The following HS6ST3 variants were observed in gnomAD, a reference collection of about 807,000 sequenced individuals.
HS6ST3 encodes heparan-sulfate 6-O-sulfotransferase 3.
In HS6ST3, 12 loss-of-function variants were observed where a neutral mutation model predicts 36.7. The ratio of observed to expected loss-of-function variants is 0.33; its 90% confidence interval spans 0.21 to 0.53. The LOEUF (loss-of-function observed/expected upper bound fraction) is 0.53. Among genes scored for constraint, HS6ST3 ranks in the 20% least tolerant of loss-of-function variants. The pLI is 0.95. For synonymous variants in HS6ST3, 240 were observed against 257.5 expected, an observed-to-expected ratio of 0.93 and a Z score of 0.65; for missense variants, 584 against 640.9, an observed-to-expected ratio of 0.91 and a Z score of 0.96.
At chr13:96,185,391 A>G (rs1461111088) in intron 1 of HS6ST3, among the ~76,000 whole-genome samples, 4 of 152,208 alleles carry the variant, frequency 2.6e-5, no homozygotes, top group African/African-American at 9.7e-5. Flanking sequence ...AGGTATGACT[A>G]TCTGCCCTTT....
chr13:96,617,511 T>G (rs562539157), intron 1 of HS6ST3, among the ~76,000 whole-genome samples: 1 of 152,354 alleles, frequency 6.6e-6, no homozygotes, highest in South Asian at 2.1e-4. Flanking sequence ...TGTTCCTTCC[T>G]CAGCATCTTT....
intron 1 of HS6ST3, among the ~76,000 whole-genome samples, chr13:96,761,780 T>C (rs1282363101): frequency 6.6e-6 from 1 of 152,204 alleles, no homozygotes; most frequent in Non-Finnish European, 1.5e-5. Flanking sequence ...TTGCTTGTTT[T>C]TACGCAGTTC....
chr13:96,091,246 C>T lies in HS6ST3; in HGVS notation c.384C>T (p.Asn128=), dbSNP rs1264683731. Residue 128 remains asparagine, a synonymous_variant, in exon 1 of 2, where the codon AAC becomes AAT. Coordinates refer to ENST00000376705, the MANE Select transcript of HS6ST3 (RefSeq NM_153456.4). The part of the protein sequence containing the change: ...GSLPRFVPRF[N]FSLKDLTRFV... Reference sequence around the variant, plus strand: ...TGCCCCGATTCGTGCCGCGCTTCAACTTCAGCCTGAAGGACCTGACCCGCT... The same window carrying T: ...TGCCCCGATTCGTGCCGCGCTTCAATTTCAGCCTGAAGGACCTGACCCGCT... 1 of 1,603,234 alleles carries T rather than the reference C, an allele frequency of 6.2e-7. No individual in the cohort carries two copies. The highest frequency in any genetic ancestry group is 8.5e-7 in the Non-Finnish European group (1 of 1,174,780).
chr13:96,484,876 A>G (rs1313272767), intron 1 of HS6ST3, among the ~76,000 whole-genome samples: 2 of 152,108 alleles, frequency 1.3e-5, no homozygotes, highest in Non-Finnish European at 2.9e-5. Flanking sequence ...GCTGGGTCAT[A>G]TGTTAATTTT....
At chr13:96,198,993 A>G (rs989528760) in intron 1 of HS6ST3, among the ~76,000 whole-genome samples, 3 of 152,224 alleles carry the variant, frequency 2.0e-5, no homozygotes, top group Non-Finnish European at 2.9e-5. Flanking sequence ...TTACAGGTCC[A>G]CATACCTGGG....
At chr13:96,183,695 A>T (rs566794675) in intron 1 of HS6ST3, among the ~76,000 whole-genome samples, 1 of 152,316 alleles carries the variant, frequency 6.6e-6, no homozygotes, top group South Asian at 2.1e-4. Context: ...ATACCGAATG[A>T]TTCCACTTGT....
chr13:96,349,355 A>C (rs2055171086), intron 1 of HS6ST3, among the ~76,000 whole-genome samples: 2 of 152,168 alleles, frequency 1.3e-5, no homozygotes, highest in South Asian at 4.1e-4. Context: ...ATTCTTCTTA[A>C]GAAAGTGATT....
At chr13:96,655,848 A>C (rs1322742478) in intron 1 of HS6ST3, among the ~76,000 whole-genome samples, 2 of 152,092 alleles carry the variant, frequency 1.3e-5, no homozygotes, top group African/African-American at 4.8e-5. Context: ...TTTACTTGTC[A>C]ATCTTCTATC....
chr13:96,383,426 T>C (rs9513129), intron 1 of HS6ST3, among the ~76,000 whole-genome samples: 132,127 of 152,040 alleles, frequency 0.87, 57,731 homozygotes, highest in South Asian at 0.91. Context: ...GCCTGGGTGA[T>C]TGAGCAAGAC....
intron 1 of HS6ST3, among the ~76,000 whole-genome samples, chr13:96,225,439 T>A: frequency 6.6e-6 from 1 of 152,230 alleles, no homozygotes; most frequent in East Asian, 1.9e-4. Flanking sequence ...AAGGGGAACA[T>A]TTTTACTGGG....
intron 1 of HS6ST3, among the ~76,000 whole-genome samples, chr13:96,742,836 A>G (rs938988313): frequency 2.0e-5 from 3 of 152,098 alleles, no homozygotes; most frequent in East Asian, 1.9e-4. Flanking sequence ...ATTGCATCCT[A>G]TCAGTTTTCG....
chr13:96,677,194 CTG>C (rs1461210909), intron 1 of HS6ST3, among the ~76,000 whole-genome samples: 1 of 151,986 alleles, frequency 6.6e-6, no homozygotes, highest in Non-Finnish European at 1.5e-5. Context: ...TCAAAGTTAT[CTG>C]TATTTAATTG....
At chr13:96,831,965 A>C (rs1566464274) in intron 1 of HS6ST3, among the ~76,000 whole-genome samples, 1 of 146,694 alleles carries the variant, frequency 6.8e-6, no homozygotes, top group East Asian at 2.0e-4. Flanking sequence ...AAAAAAAAAA[A>C]AAAAAAAAAA....
intron 1 of HS6ST3, among the ~76,000 whole-genome samples, chr13:96,228,918 G>C (rs1452700318): frequency 6.6e-6 from 1 of 152,188 alleles, no homozygotes; most frequent in Non-Finnish European, 1.5e-5. Context: ...GCATTGCACA[G>C]AGGAATGTGC....
chr13:96,587,184 T>C (rs2056364865), intron 1 of HS6ST3, among the ~76,000 whole-genome samples: 1 of 152,172 alleles, frequency 6.6e-6, no homozygotes, highest in African/African-American at 2.4e-5. Flanking sequence ...GCCGTTTTTG[T>C]TCTTGTAGCT....
chr13:96,563,508 T>C (rs1437146634), intron 1 of HS6ST3, among the ~76,000 whole-genome samples: 2 of 152,194 alleles, frequency 1.3e-5, no homozygotes, highest in Non-Finnish European at 2.9e-5. Flanking sequence ...TCTTTAGATA[T>C]TTACTTTTAT....
chr13:96,756,542 A>G (rs1876835877), intron 1 of HS6ST3, among the ~76,000 whole-genome samples: 2 of 152,176 alleles, frequency 1.3e-5, no homozygotes, highest in African/African-American at 4.8e-5. Context: ...TACCAAAAAA[A>G]CCTTGCTGGT....
chr13:96,521,022 C>G (rs1293413936), intron 1 of HS6ST3, among the ~76,000 whole-genome samples: 2 of 152,070 alleles, frequency 1.3e-5, no homozygotes, highest in East Asian at 3.9e-4. Flanking sequence ...GAGATATGTT[C>G]CATAGATAAC....
At position 96,574,466 on chromosome 13, in the gene HS6ST3, C is replaced by A. The variant is rs1030623942; in HGVS notation, c.708-258024C>A. The A allele has an allele frequency of 1.8e-5, 8 of 454,034 alleles. No homozygotes were observed. In the Admixed American group the frequency reaches 2.4e-4, roughly 14 times the overall value. 28.1% of individuals were successfully genotyped at this position (454,034 alleles called of 1,614,324 possible). ...TTATTGACAGCACTGTTTCCAGAAC[C>A]ATACTCTTCATGCCCCGCCCCCTAC... On this transcript the variant is annotated intron_variant, in intron 1 of 1. Transcript: ENST00000376705.
Sources: allele counts gnomAD v4.1 joint callset (sites outside exome capture counted in the v4.1 genomes callset), GRCh38; gene constraint gnomAD v4.1.1; transcripts MANE v1.5; gene names NCBI Gene and HGNC (gene_info 2026-07-23, HGNC 2026-07-21).